ANK3: variants seen among roughly 807,000 people sequenced by gnomAD.
ANK3 encodes ankyrin 3.
ANK3 carries 57 observed loss-of-function variants against 370.9 expected under a neutral mutation model. The observed-to-expected ratio is 0.15, with a 90% CI of 0.12 to 0.19. The LOEUF is 0.19. Ranked by LOEUF, ANK3 falls within the 10% of genes least tolerant of loss-of-function variation. The pLI is 1.00. For synonymous variants in ANK3, 1,929 were observed against 1,946.3 expected (o/e 0.99, Z 0.23); for missense variants, 4,439 against 5,302.1 (o/e 0.84, Z 5.06).
rs993289778 is a variant in ANK3 at position 60,072,707 on chromosome 10, C to T, written c.8174G>A (p.Gly2725Asp). ...LSSIRLKFEQ[G>D]THAKSKDMSQ... ...CATGTCCTTACTTTTTGCGTGTGTG[C>T]CTTGTTCAAATTTTAATCTAATGGA... The change falls in exon 37 of 44, where the codon GGC (glycine) becomes GAC (aspartate). Residue 2725 changes from glycine to aspartate, a missense_variant. Physicochemically the swap from Gly to Asp is moderately conservative, Grantham distance 94 (BLOSUM62 -1). This residue lies in a region of ANK3 where 1,601 missense variants were observed against 1,731.7 expected (regional missense o/e 0.92). Coordinates refer to ENST00000280772, the MANE Select transcript of ANK3 (RefSeq NM_020987.5). The T allele has an allele frequency of 2.5e-6, 4 of 1,613,582 alleles. No individual in the cohort carries two copies. Among genetic ancestry groups the T allele is most frequent in the Admixed American group, 1.7e-5 (1 of 59,932 alleles).
At chr10:60,124,597 C>T (rs73261152) in intron 25 of ANK3, among the ~76,000 whole-genome samples, 6,544 of 152,256 alleles carry the variant, frequency 0.043, 458 homozygotes, top group African/African-American at 0.15. Context: ...GTCAGAGCTG[C>T]CTGCTGGATT....
chr10:60,454,596 C>A (rs1339078567), intron 2 of ANK3, among the ~76,000 whole-genome samples: 1 of 152,078 alleles, frequency 6.6e-6, no homozygotes, highest in African/African-American at 2.4e-5. Flanking sequence ...TTCAAAGCAC[C>A]AGGACAAAAA....
Position 60,071,305 on chromosome 10 carries a change from A to G in ANK3, c.9576T>C (p.Tyr3192=). 6.2e-7 allele frequency: 1 copy of G among 1,614,114 alleles called. No homozygotes were observed. The highest frequency in any genetic ancestry group is 8.5e-7 in the Non-Finnish European group (1 of 1,179,998). The part of the protein sequence containing the change: ...TSKTPDSLIA[Y]IPGKPSPIPE... ...GAATTGGGCTGGGTTTGCCTGGTATATAAGCTATGAGCGAGTCAGGTGTCT... is the reference window on the plus strand; with the variant it reads ...GAATTGGGCTGGGTTTGCCTGGTATGTAAGCTATGAGCGAGTCAGGTGTCT... Residue 3192 remains tyrosine (Y), a synonymous_variant, in exon 37 of 44, where the codon TAT becomes TAC. Coordinates refer to ENST00000280772, the MANE Select transcript of ANK3 (RefSeq NM_020987.5).
chr10:60,640,996 G>A (rs780595189), intron 1 of ANK3, among the ~76,000 whole-genome samples: 4,636 of 143,410 alleles, frequency 0.032, 90 homozygotes, highest in Middle Eastern at 0.061. Context: ...ACAGACAAAC[G>A]GAGAGCCAAA....
chr10:60,247,963 G>A (rs2097582176), intron 7 of ANK3, among the ~76,000 whole-genome samples: 1 of 152,176 alleles, frequency 6.6e-6, no homozygotes, highest in Admixed American at 6.6e-5. Flanking sequence ...CACTGCGCCT[G>A]GCCAGCATAA....
intron 1 of ANK3, among the ~76,000 whole-genome samples, chr10:60,631,923 A>G (rs2078489183): frequency 6.6e-6 from 1 of 152,192 alleles, no homozygotes; most frequent in East Asian, 1.9e-4. Context: ...AAAAATTTAC[A>G]TTTCAAAAAG....
intron 1 of ANK3, among the ~76,000 whole-genome samples, chr10:60,683,247 T>C (rs1589021785): frequency 6.6e-6 from 1 of 152,354 alleles, no homozygotes; most frequent in South Asian, 2.1e-4. Context: ...TTAGTAAGAT[T>C]ATTAACATAA....
At chr10:60,699,537 T>A (rs1219156352) in intron 1 of ANK3, among the ~76,000 whole-genome samples, 1 of 152,070 alleles carries the variant, frequency 6.6e-6, no homozygotes, top group Non-Finnish European at 1.5e-5. Flanking sequence ...AAAAAATTCT[T>A]AGCACTTAAA....
chr10:60,295,505 C>T (rs2132772154), intron 1 of ANK3, among the ~76,000 whole-genome samples: 1 of 152,214 alleles, frequency 6.6e-6, no homozygotes, highest in African/African-American at 2.4e-5. Context: ...ACAATTATAA[C>T]CATGAGAGTC....
rs1008103134 is a variant in ANK3, at chr10:60,670,228, T to C, written c.58-55004A>G. On this transcript the variant is annotated intron_variant, in intron 1 of 43. Transcript: ENST00000373827. ...CCAATTGTTTACTCAACACCTCCCA[T>C]ACCCTAACCTCTCAACCCTAACATG... Among the ~76,000 whole-genome samples the C allele has an allele frequency of 2.6e-5, 4 of 152,042 alleles. No individual in the cohort carries two copies. In the South Asian group the frequency reaches 6.2e-4, roughly 24 times the overall value.
chr10:60,071,572 C>T lies in ANK3; in HGVS notation c.9309G>A (p.Lys3103=), dbSNP rs1423734150. 2 of 1,614,062 alleles carry T rather than the reference C, an allele frequency of 1.2e-6. No homozygotes were observed. Among genetic ancestry groups the T allele is most frequent in the Non-Finnish European group, 1.7e-6 (2 of 1,180,008 alleles). ...PVYVSFVQVG[K]QYEKEIQQGG... The stretch of plus-strand genomic sequence containing the variant: ...CTTGTTGTATCTCCTTTTCATATTG[C>T]TTCCCCACTTGTACAAAACTGACAT... Residue 3103 remains lysine (K), a synonymous_variant, in exon 37 of 44, where the codon AAG becomes AAA. Coordinates refer to ENST00000280772, the MANE Select transcript of ANK3 (RefSeq NM_020987.5).
intron 2 of ANK3, among the ~76,000 whole-genome samples, chr10:60,440,353 G>A (rs1216762131): frequency 6.6e-6 from 1 of 152,020 alleles, no homozygotes; most frequent in Non-Finnish European, 1.5e-5. Context: ...TGCATGGCTG[G>A]GGAGGCCTCA....
intron 2 of ANK3, among the ~76,000 whole-genome samples, chr10:60,468,490 T>G (rs1240230890): frequency 6.6e-6 from 1 of 152,074 alleles, no homozygotes; most frequent in Non-Finnish European, 1.5e-5. Context: ...ATTCTACAAA[T>G]CTACAATTTT....
At chr10:60,372,690 G>A (rs541253088) in intron 1 of ANK3, among the ~76,000 whole-genome samples, 18 of 152,260 alleles carry the variant, frequency 1.2e-4, no homozygotes, top group East Asian at 1.2e-3. Flanking sequence ...CAGAGGCCCC[G>A]GCTTACTGAC....
chr10:60,719,634 A>G (rs1053785396), intron 1 of ANK3, among the ~76,000 whole-genome samples: 6 of 152,094 alleles, frequency 3.9e-5, no homozygotes, highest in African/African-American at 7.2e-5. Context: ...TCCCTCTTCT[A>G]TGAGGTGTCT....
intron 1 of ANK3, among the ~76,000 whole-genome samples, chr10:60,342,040 A>C (rs1270202900): frequency 1.3e-5 from 2 of 152,148 alleles, no homozygotes; most frequent in African/African-American, 4.8e-5. Flanking sequence ...AAAAGGTAGG[A>C]AAGTTTCATT....
At chr10:60,375,232 A>AAGT (rs1318878482) in intron 1 of ANK3, among the ~76,000 whole-genome samples, 2 of 152,220 alleles carry the variant, frequency 1.3e-5, no homozygotes, top group Non-Finnish European at 2.9e-5. Context: ...CTAGGGGCAC[A>AAGT]ACAGGTATTA....
At chr10:60,179,227 T>C (rs1174422491) in intron 18 of ANK3, among the ~76,000 whole-genome samples, 1 of 152,150 alleles carries the variant, frequency 6.6e-6, no homozygotes, top group Non-Finnish European at 1.5e-5. Flanking sequence ...GTGCTCTAGT[T>C]ATGGGACAAT....
At chr10:60,405,597 C>A (rs1481832160) in intron 2 of ANK3, among the ~76,000 whole-genome samples, 1 of 152,160 alleles carries the variant, frequency 6.6e-6, no homozygotes, top group Non-Finnish European at 1.5e-5. Flanking sequence ...TGCCAACATT[C>A]ATCAACTGGT....
Sources: gnomAD v4.1 joint callset for allele counts (sites outside exome capture counted in the v4.1 genomes callset) on GRCh38, gnomAD v4.1.1 for gene constraint, gnomAD v4.1.1 regional missense constraint, MANE v1.5 for transcripts, NCBI Gene and HGNC (gene_info 2026-07-23, HGNC 2026-07-21) for gene names.